DNER: variants seen among roughly 807,000 people sequenced by gnomAD.
DNER encodes the protein delta/notch like EGF repeat containing, also known as delta and Notch-like epidermal growth factor-related receptor.
A neutral mutation model predicts 78.2 loss-of-function variants in DNER; 33 were observed. The observed-to-expected ratio is 0.42, with a 90% CI of 0.32 to 0.56. The LOEUF is 0.56. Among genes scored for constraint, DNER ranks in the 20% least tolerant of loss-of-function variants. DNER has a pLI of 0.11. For missense variants in DNER, 918 were observed against 975.3 expected, an observed-to-expected ratio of 0.94 and a Z score of 0.78; for synonymous variants, 417 against 384.8, an observed-to-expected ratio of 1.08 and a Z score of -0.98.
chr2:229,690,470 C>A (rs1461475139), intron 1 of DNER, among the ~76,000 whole-genome samples: 1 of 152,190 alleles, frequency 6.6e-6, no homozygotes, highest in Admixed American at 6.5e-5. Flanking sequence ...ATCTAATTCA[C>A]CTTGCTATGC....
chr2:229,550,406 G>GA (rs766540573), intron 4 of DNER, among the ~76,000 whole-genome samples: 1 of 152,176 alleles, frequency 6.6e-6, no homozygotes, highest in Non-Finnish European at 1.5e-5. Flanking sequence ...TTAGTATCCA[G>GA]AAATCTAGAA....
chr2:229,429,010 T>C (rs1017168765), intron 8 of DNER, among the ~76,000 whole-genome samples: 2 of 152,148 alleles, frequency 1.3e-5, no homozygotes, highest in African/African-American at 2.4e-5. Context: ...GGAATTACAC[T>C]GGGCAGACAG....
At chr2:229,699,446 A>G (rs1699709789) in intron 1 of DNER, among the ~76,000 whole-genome samples, 1 of 152,030 alleles carries the variant, frequency 6.6e-6, no homozygotes, top group Non-Finnish European at 1.5e-5. Flanking sequence ...GCTCACTGCA[A>G]ACTCCTCCTC....
chr2:229,632,169 A>G (rs1456127621), intron 1 of DNER, among the ~76,000 whole-genome samples: 3 of 152,210 alleles, frequency 2.0e-5, no homozygotes, highest in Admixed American at 1.3e-4. Flanking sequence ...GAAGTCAAAC[A>G]TTGTATCACT....
chr2:229,442,721 T>C (rs1273493797), intron 8 of DNER, among the ~76,000 whole-genome samples: 3 of 152,198 alleles, frequency 2.0e-5, no homozygotes, highest in Admixed American at 2.0e-4. Context: ...AGTCTTATCC[T>C]TGATCCTGTT....
At chr2:229,640,395 A>G (rs1031834725) in intron 1 of DNER, among the ~76,000 whole-genome samples, 8 of 152,238 alleles carry the variant, frequency 5.3e-5, no homozygotes, top group African/African-American at 1.9e-4. Flanking sequence ...TGAGCAAAAC[A>G]TTATCATCAG....
intron 1 of DNER, among the ~76,000 whole-genome samples, chr2:229,702,896 GA>G: frequency 8.0e-6 from 1 of 124,602 alleles, no homozygotes; most frequent in East Asian, 2.4e-4. Context: ...CAGCCTGGGG[GA>G]CACAGCGAGA....
intron 1 of DNER, 37 bp downstream of exon 1, chr2:229,714,111 A>G: frequency 7.9e-7 from 1 of 1,264,936 alleles, no homozygotes; most frequent in Middle Eastern, 3.0e-4. Context: ...CTGGTCCCGG[A>G]CCAGCGCCCC....
At chr2:229,673,852 G>T (rs761130968) in intron 1 of DNER, among the ~76,000 whole-genome samples, 1 of 152,174 alleles carries the variant, frequency 6.6e-6, no homozygotes, top group Admixed American at 6.5e-5. Context: ...TGACGCATAC[G>T]GACAAACACA....
chr2:229,701,957 C>T (rs190166228), intron 1 of DNER: 14 of 172,188 alleles, frequency 8.1e-5, no homozygotes, highest in Admixed American at 4.6e-4. Flanking sequence ...GTTGTAGAGA[C>T]GGGCTGAAGC....
intron 4 of DNER, among the ~76,000 whole-genome samples, chr2:229,555,841 C>T (rs1294662831): frequency 6.6e-6 from 1 of 151,706 alleles, no homozygotes; most frequent in African/African-American, 2.4e-5. Context: ...AGAAATGGAG[C>T]CTGCTAGAAT....
At chr2:229,554,934 AGAGAGAAAAGGGAAGGGAAGGG>A (rs1696828257) in intron 4 of DNER, among the ~76,000 whole-genome samples, 9 of 32,034 alleles carry the variant, frequency 2.8e-4, no homozygotes, top group Admixed American at 8.7e-4. Flanking sequence ...AGAGAAGAGA[AGAGAGAAAAGGGAAGGGAAGGG>A]AAGGGAAGGG....
At chr2:229,488,107 G>A (rs1378803783) in intron 6 of DNER, among the ~76,000 whole-genome samples, 1 of 152,218 alleles carries the variant, frequency 6.6e-6, no homozygotes, top group Admixed American at 6.5e-5. Context: ...AAGTGTTCTG[G>A]TCTGGACGAA....
chr2:229,669,044 A>C (rs564281020), intron 1 of DNER, among the ~76,000 whole-genome samples: 8 of 152,296 alleles, frequency 5.3e-5, no homozygotes, highest in Non-Finnish European at 1.2e-4. Flanking sequence ...GCAGTCATAA[A>C]AAAGGATGAG....
chr2:229,650,165 A>G (rs1698790858), intron 1 of DNER, among the ~76,000 whole-genome samples: 1 of 151,980 alleles, frequency 6.6e-6, no homozygotes, highest in Non-Finnish European at 1.5e-5. Context: ...CAAGAAACCT[A>G]CTGTCCCGTA....
At chr2:229,655,162 C>A (rs1324759239) in intron 1 of DNER, among the ~76,000 whole-genome samples, 1 of 152,030 alleles carries the variant, frequency 6.6e-6, no homozygotes, top group African/African-American at 2.4e-5. Context: ...TCACCACCAC[C>A]AACACCCCTC....
chr2:229,574,545 A>C (rs1697263986), intron 4 of DNER, among the ~76,000 whole-genome samples: 1 of 152,236 alleles, frequency 6.6e-6, no homozygotes, highest in Non-Finnish European at 1.5e-5. Flanking sequence ...GTCTATATAC[A>C]TGCACTGTCA....
At chr2:229,544,666 G>A (rs940482497) in intron 5 of DNER, among the ~76,000 whole-genome samples, 5 of 151,824 alleles carry the variant, frequency 3.3e-5, no homozygotes, top group Non-Finnish European at 7.4e-5. Flanking sequence ...CCGAGTAGCT[G>A]GGATTACAGG....
At chr2:229,442,578 GT>G (rs1373872159) in intron 8 of DNER, among the ~76,000 whole-genome samples, 2 of 152,116 alleles carry the variant, frequency 1.3e-5, no homozygotes, top group African/African-American at 4.8e-5. Flanking sequence ...GATGAAAGTT[GT>G]CCACTATACT....
Sources: gnomAD v4.1 joint callset for allele counts (sites outside exome capture counted in the v4.1 genomes callset) on GRCh38, gnomAD v4.1.1 for gene constraint, MANE v1.5 for transcripts, NCBI Gene and HGNC (gene_info 2026-07-23, HGNC 2026-07-21) for gene names.